WDR17: variants seen among roughly 807,000 people sequenced by gnomAD.
The protein encoded by WDR17 is WD repeat-containing protein 17.
Under a neutral mutation model 161.7 loss-of-function variants are expected in WDR17, and 143 were observed. The ratio of observed to expected loss-of-function variants is 0.88; its 90% CI spans 0.77 to 1.02. The LOEUF (loss-of-function observed/expected upper bound fraction) is 1.02. Among genes scored for constraint, WDR17 ranks in the 50% least tolerant of loss-of-function variants. The probability of loss-of-function intolerance (pLI) is 0.00; values close to 1 mark genes in which losing one functional copy is unlikely to be tolerated. For missense variants in WDR17, 1,469 were observed against 1,520.9 expected, an observed-to-expected ratio of 0.97 and a Z score of 0.57; for synonymous variants, 517 against 515.6, an observed-to-expected ratio of 1.00 and a Z score of -0.04.
chr4:176,072,096 A>G (rs1382674971), intron 1 of WDR17, among the ~76,000 whole-genome samples: 1 of 152,160 alleles, frequency 6.6e-6, no homozygotes, highest in African/African-American at 2.4e-5. Flanking sequence ...CTTGTGACCT[A>G]TTTTGTCTTC....
rs1266040335 is a variant in WDR17 at position 176,111,761 on chromosome 4, A to G, written c.123+58A>G. ...TATCCGGTAAAATTAATATTTAATT[A>G]ATACATATTTTAAGTCCTTGTTACA... On this transcript the variant is annotated intron_variant, in intron 2 of 28. Transcript: ENST00000508596. 8 of 1,413,460 alleles carry G rather than the reference A, an allele frequency of 5.7e-6. No homozygotes were observed. In the East Asian group the frequency reaches 2.1e-4, roughly 38 times the overall value. 87.6% of individuals were successfully genotyped at this position (1,413,460 alleles called of 1,614,324 possible).
intron 1 of WDR17, among the ~76,000 whole-genome samples, chr4:176,098,921 A>G (rs1339228597): frequency 6.6e-6 from 1 of 152,062 alleles, no homozygotes; most frequent in African/African-American, 2.4e-5. Flanking sequence ...GTTGGTTTGT[A>G]AGACCTGTAA....
rs1408953575 is a variant in WDR17, at chr4:176,110,403, G to A, written c.-6-1172G>A. The stretch of plus-strand genomic sequence containing the variant: ...GGCCTCCCAAAGAGCTGGGATTACA[G>A]GCGTGAGCCACCGCGCCCAGCCTAT... On this transcript the variant is annotated intron_variant, in intron 1 of 28. Coordinates refer to ENST00000508596, the MANE Select transcript of WDR17 (RefSeq NM_181265.4). Among the ~76,000 whole-genome samples the A allele has an allele frequency of 2.0e-5, 3 of 152,208 alleles. No individual in the cohort carries two copies. The East Asian group carries it at 5.8e-4, about 29-fold the overall frequency.
At position 176,181,256 on chromosome 4, in the gene WDR17, C is replaced by G. The variant is rs1366480314; in HGVS notation, c.*1677C>G. 6.6e-6 allele frequency: 1 copy of G among 151,570 alleles called. No individual in the cohort carries two copies. Among genetic ancestry groups the G allele is most frequent in the Non-Finnish European group, 1.5e-5 (1 of 68,074 alleles). 9.4% of individuals were successfully genotyped at this position (151,570 alleles called of 1,614,324 possible). A position where few individuals can be genotyped will look rare whatever the true frequency, so the allele number is the denominator to read the frequency against. ...GGCCGAGATGGGCAGATCTTGAGGTCGGTAGATGGAGACCATCCTGGCCAA... is the reference window on the plus strand; with the variant it reads ...GGCCGAGATGGGCAGATCTTGAGGTGGGTAGATGGAGACCATCCTGGCCAA... On this transcript the variant is annotated 3_prime_UTR_variant, in exon 29 of 29. Coordinates refer to ENST00000508596, the MANE Select transcript of WDR17 (RefSeq NM_181265.4).
Position 176,148,329 on chromosome 4 carries a change from G to A in WDR17, c.1891G>A (p.Val631Ile), listed in dbSNP as rs769081115. 11 of 1,613,368 alleles carry A rather than the reference G, an allele frequency of 6.8e-6. No individual in the cohort carries two copies. The East Asian group carries it at 8.9e-5, about 13-fold the overall frequency. The change falls in exon 13 of 29, where the codon GTA becomes ATA. Residue 631 changes from valine (V) to isoleucine (I), a missense_variant. Physicochemically the swap from Val to Ile is conservative, Grantham distance 29. Transcript: ENST00000508596. ...TACTGTGTATGATCACGGTGCAGAT[G>A]TATATGGTAGAGTGTCTTTCATTCT... is the stretch of plus-strand genomic sequence containing the variant. The part of the protein sequence containing the change: ...VDTVYDHGAD[V>I]YGLTCHPSRP...
rs760350799 is a variant in WDR17, at chr4:176,161,004, T to A, written c.2750+2T>A. On this transcript the variant is annotated splice_donor_variant, in intron 20 of 28. Transcript: ENST00000508596. LOFTEE classifies it high-confidence loss of function. ...TATCTACAAGGAAGACTTTAATGAG[T>A]GAGTGATTTATTTGCTCTGGGTCCA... The A allele has an allele frequency of 1.2e-6, 2 of 1,604,030 alleles. No individual in the cohort carries two copies. Among genetic ancestry groups the A allele is most frequent in the Non-Finnish European group, 1.7e-6 (2 of 1,175,630 alleles).
At position 176,179,591 on chromosome 4, in the gene WDR17, T is replaced by C. The variant is rs1751944188; in HGVS notation, c.*12T>C. 1.3e-6 allele frequency: 2 copies of C among 1,536,756 alleles called. No homozygotes were observed. Among genetic ancestry groups the C allele is most frequent in the Non-Finnish European group, 1.7e-6 (2 of 1,143,572 alleles). ...TCAATCCATTCTGATAGAAGATTTT[T>C]GTCCATGCTTGATTTTTTTTTTTAA... On this transcript the variant is annotated 3_prime_UTR_variant, in exon 29 of 29. Transcript: ENST00000508596.
chr4:176,156,040 A>G (rs1167905739), intron 17 of WDR17, 39 bp from the exon 18 acceptor site: 1 of 1,605,486 alleles, frequency 6.2e-7, no homozygotes, highest in African/African-American at 1.3e-5. Flanking sequence ...AGAGCAACCA[A>G]AATTAATATG....
chr4:176,172,961 G>A (rs1336084658), intron 24 of WDR17, among the ~76,000 whole-genome samples: 1 of 151,986 alleles, frequency 6.6e-6, no homozygotes, highest in Non-Finnish European at 1.5e-5. Flanking sequence ...CCAACATTGG[G>A]GATTACATTT....
intron 7 of WDR17, among the ~76,000 whole-genome samples, chr4:176,132,815 G>A (rs13328046): frequency 0.033 from 5,051 of 151,638 alleles, 234 homozygotes; most frequent in African/African-American, 0.11. Context: ...TGAAAGGGAA[G>A]GGAGAAAAAC....
intron 1 of WDR17, among the ~76,000 whole-genome samples, chr4:176,090,889 G>A (rs1736036410): frequency 6.6e-6 from 1 of 152,180 alleles, no homozygotes; most frequent in African/African-American, 2.4e-5. Context: ...ATAAAGGGAT[G>A]GGCTCTGGCT....
chr4:176,182,240 TG>T lies in WDR17; in HGVS notation c.*2662del, dbSNP rs1752227429. 6.6e-6 allele frequency: 1 copy of T among 151,976 alleles called. No homozygotes were observed. The highest frequency in any genetic ancestry group is 2.1e-4 in the South Asian group (1 of 4,834). 9.4% of individuals were successfully genotyped at this position (151,976 alleles called of 1,614,324 possible). A position where few individuals can be genotyped will look rare whatever the true frequency, so the allele number is the denominator to read the frequency against. ...TTTTTAAAGCATTGGAAAAATATTTTGCCTGTAAAAGTTAGTAACTAGGTGG... is the reference window on the plus strand; with the variant it reads ...TTTTTAAAGCATTGGAAAAATATTTTCCTGTAAAAGTTAGTAACTAGGTGG... On this transcript the variant is annotated 3_prime_UTR_variant, in exon 29 of 29. Transcript: ENST00000508596. This position sits in a 1 kb window ranked among gnomAD's most constrained non-coding sequence, Gnocchi z 4.2.
chr4:176,166,124 C>A, intron 22 of WDR17: 1 of 1,077,534 alleles, frequency 9.3e-7, no homozygotes, highest in South Asian at 1.6e-5. Flanking sequence ...TTTCCTTTAG[C>A]TTTCCATGTG....
chr4:176,131,474 A>ATT, intron 6 of WDR17, 80 bp from the exon 7 acceptor site: 12 of 1,198,980 alleles, frequency 1.0e-5, no homozygotes, highest in Admixed American at 5.4e-5. Flanking sequence ...CAGATTCTGG[A>ATT]TTTTTTTTTT....
At chr4:176,141,046 C>T (rs1440656688) in intron 10 of WDR17, among the ~76,000 whole-genome samples, 1 of 152,152 alleles carries the variant, frequency 6.6e-6, no homozygotes, top group Non-Finnish European at 1.5e-5. Flanking sequence ...ACAGTCTTTT[C>T]CATACACTTC....
chr4:176,175,580 T>C (rs1313994232), intron 26 of WDR17, among the ~76,000 whole-genome samples: 1 of 151,430 alleles, frequency 6.6e-6, no homozygotes, highest in Non-Finnish European at 1.5e-5. Context: ...GTTTTTGAGA[T>C]GGAGTCTCTC....
chr4:176,104,318 T>A (rs972332978), intron 1 of WDR17, among the ~76,000 whole-genome samples: 6 of 152,006 alleles, frequency 3.9e-5, no homozygotes, highest in African/African-American at 1.4e-4. Flanking sequence ...CTCAAAGCCA[T>A]ATGAAAAAAT....
intron 12 of WDR17, 127 bp downstream of exon 12, chr4:176,146,286 T>C: frequency 1.0e-6 from 1 of 957,332 alleles, no homozygotes; most frequent in Non-Finnish European, 1.4e-6. Context: ...CAGGCTGGAA[T>C]GCAGTGGCGT....
intron 22 of WDR17, among the ~76,000 whole-genome samples, chr4:176,167,920 G>T (rs962111974): frequency 6.6e-6 from 1 of 151,934 alleles, no homozygotes; most frequent in African/African-American, 2.4e-5. Flanking sequence ...GCCAAGGTGG[G>T]TGGATCACTT....
Sources: gnomAD v4.1 joint callset for allele counts (sites outside exome capture counted in the v4.1 genomes callset) on GRCh38, gnomAD v4.1.1 for gene constraint, Gnocchi (gnomAD v3.1) non-coding constraint, MANE v1.5 for transcripts, NCBI Gene and HGNC (gene_info 2026-07-23, HGNC 2026-07-21) for gene names.